The following CNTN6 variants were observed in gnomAD, a reference collection of about 807,000 sequenced individuals.
The protein encoded by CNTN6 is contactin-6.
In CNTN6, 137 loss-of-function variants were observed where a neutral mutation model predicts 122.8. That is an observed-to-expected ratio of 1.12 (90% CI 0.97 to 1.29). The LOEUF is 1.29. Among genes scored for constraint, CNTN6 ranks in the 50% most tolerant of loss-of-function variants. The probability of loss-of-function intolerance (pLI) is 0.00; values close to 1 mark genes in which losing one functional copy is unlikely to be tolerated. For missense variants in CNTN6, 1,634 were observed against 1,223.4 expected (o/e 1.34, Z -5.01); for synonymous variants, 570 against 426.0 (o/e 1.34, Z -4.16).
chr3:1,150,946 G>C (rs991498249), intron 2 of CNTN6, among the ~76,000 whole-genome samples: 1 of 152,252 alleles, frequency 6.6e-6, no homozygotes, highest in East Asian at 1.9e-4. Context: ...TCAGGACTGA[G>C]GAAGGGATCA....
intron 1 of CNTN6, among the ~76,000 whole-genome samples, chr3:1,102,974 GC>G (rs1471311895): frequency 5.4e-5 from 8 of 147,568 alleles, no homozygotes; most frequent in Admixed American, 4.6e-4. Context: ...GGGCGTGGTG[GC>G]GGCGCCTGTG....
Position 1,147,908 on chromosome 3 carries a change from A to G in CNTN6, c.-82-19A>G. On this transcript the variant is annotated intron_variant, in intron 1 of 22. Transcript: ENST00000446702. ...GTGTTTGTACGTTTTTCATTTCATG[A>G]CAATTTTGTCTTTTTCAGACTCTTG... 2 of 737,134 alleles carry G rather than the reference A, an allele frequency of 2.7e-6. No individual in the cohort carries two copies. The highest frequency in any genetic ancestry group is 5.0e-5 in the East Asian group (2 of 39,768). 45.7% of individuals were successfully genotyped at this position (737,134 alleles called of 1,614,324 possible).
At chr3:1,212,212 A>G (rs1197356288) in intron 2 of CNTN6, among the ~76,000 whole-genome samples, 1 of 149,450 alleles carries the variant, frequency 6.7e-6, no homozygotes, top group Non-Finnish European at 1.5e-5. Context: ...TTCAGTGTCT[A>G]CCTATTCCAA....
intron 7 of CNTN6, among the ~76,000 whole-genome samples, chr3:1,301,335 C>G (rs906265807): frequency 2.6e-5 from 4 of 151,866 alleles, no homozygotes; most frequent in Non-Finnish European, 5.9e-5. Flanking sequence ...GTGCCCGGCT[C>G]CTAAACTTTT....
At chr3:1,392,469 G>A (rs1361077059) in intron 20 of CNTN6, among the ~76,000 whole-genome samples, 10 of 151,902 alleles carry the variant, frequency 6.6e-5, no homozygotes, top group Non-Finnish European at 1.5e-4. Flanking sequence ...GAAAACCTAG[G>A]CATTACCATT....
intron 4 of CNTN6, among the ~76,000 whole-genome samples, chr3:1,264,725 TCTA>T (rs896731073): frequency 3.1e-4 from 47 of 152,278 alleles, no homozygotes; most frequent in African/African-American, 9.9e-4. Context: ...ACATTTAAAA[TCTA>T]CTCTTCTAGA....
intron 2 of CNTN6, among the ~76,000 whole-genome samples, chr3:1,154,739 G>A (rs150261683): frequency 0.023 from 3,536 of 152,112 alleles, 146 homozygotes; most frequent in African/African-American, 0.081. Context: ...CACCGCGCCC[G>A]GCCCAGGATT....
chr3:1,170,193 T>G (rs2093334098), intron 2 of CNTN6, among the ~76,000 whole-genome samples: 1 of 130,838 alleles, frequency 7.6e-6, no homozygotes, highest in Non-Finnish European at 1.6e-5. Context: ...GCTGAGATCA[T>G]GCCACTGCAC....
At chr3:1,119,322 C>CGTGTGTGTGTATGTGTGTGT (rs1553600488) in intron 1 of CNTN6, among the ~76,000 whole-genome samples, 2 of 126,490 alleles carry the variant, frequency 1.6e-5, no homozygotes, top group East Asian at 4.7e-4. Flanking sequence ...ACAGAAAAAT[C>CGTGTGTGTGTATGTGTGTGT]GTGTGTGTGT....
chr3:1,123,473 T>C (rs998362784), intron 1 of CNTN6, among the ~76,000 whole-genome samples: 4 of 151,966 alleles, frequency 2.6e-5, no homozygotes, highest in Middle Eastern at 3.2e-3. Flanking sequence ...GGAACATAAC[T>C]AATTTTTGTC....
Position 1,316,860 on chromosome 3 carries a change from G to C in CNTN6, c.762-4790G>C, listed in dbSNP as rs368637650. Among the ~76,000 whole-genome samples the C allele has an allele frequency of 3.2e-4, 49 of 151,922 alleles. 1 individual carries two copies. Among genetic ancestry groups the C allele is most frequent in the African/African-American group, 1.1e-3 (46 of 41,484 alleles). ...TCCCACCCACTGTCCATTTAGGATG[G>C]CTTCAGAAAAGAGAAATGGTGTCAA... is the stretch of plus-strand genomic sequence containing the variant. On this transcript the variant is annotated intron_variant, in intron 7 of 22. Transcript: ENST00000446702.
intron 12 of CNTN6, among the ~76,000 whole-genome samples, chr3:1,358,140 A>G (rs1706882280): frequency 6.6e-6 from 1 of 151,836 alleles, no homozygotes; most frequent in South Asian, 2.1e-4. Context: ...TACAGTATAA[A>G]CCACTAGCTA....
Position 1,264,878 on chromosome 3 carries a change from C to T in CNTN6, c.359-13535C>T, listed in dbSNP as rs371146396. Among the ~76,000 whole-genome samples the T allele has an allele frequency of 9.2e-5, 14 of 152,096 alleles. No individual in the cohort carries two copies. The East Asian group carries it at 2.3e-3, about 25-fold the overall frequency. ...CCCCATTTCCTATGCACCCCTCTCCCCCAGCCTCTGGTAACCACCATTCTA... is the reference window on the plus strand; with the variant it reads ...CCCCATTTCCTATGCACCCCTCTCCTCCAGCCTCTGGTAACCACCATTCTA... On this transcript the variant is annotated intron_variant, in intron 4 of 22. Coordinates refer to ENST00000446702, the MANE Select transcript of CNTN6 (RefSeq NM_001289080.2).
At chr3:1,147,149 G>A (rs923687885) in intron 1 of CNTN6, among the ~76,000 whole-genome samples, 2 of 151,932 alleles carry the variant, frequency 1.3e-5, no homozygotes, top group African/African-American at 4.8e-5. Flanking sequence ...AAGGTTGCAA[G>A]AAAATATGTT....
intron 2 of CNTN6, among the ~76,000 whole-genome samples, chr3:1,199,680 G>A (rs772571801): frequency 6.6e-6 from 1 of 152,128 alleles, no homozygotes; most frequent in Non-Finnish European, 1.5e-5. Flanking sequence ...AGAGGAATTG[G>A]AACACAGACG....
chr3:1,325,851 A>G lies in CNTN6; in HGVS notation c.983A>G (p.His328Arg), dbSNP rs1353229623. ...PEWEQKIQNT[H>R]LSIYDNLLWE... Reference sequence around the variant, plus strand: ...TGGGAACAGAAAATCCAAAATACACACCTCTCTATCTATGACAACTTGCTC... The same window carrying G: ...TGGGAACAGAAAATCCAAAATACACGCCTCTCTATCTATGACAACTTGCTC... The change falls in exon 9 of 23, where the codon CAC becomes CGC. Residue 328 changes from histidine to arginine, a missense_variant. His to Arg is a conservative substitution (Grantham distance 29). Transcript: ENST00000446702. 6.2e-7 allele frequency: 1 copy of G among 1,611,718 alleles called. No homozygotes were observed. Among genetic ancestry groups the G allele is most frequent in the Non-Finnish European group, 8.5e-7 (1 of 1,178,622 alleles).
chr3:1,144,827 C>A (rs1202825735), intron 1 of CNTN6, among the ~76,000 whole-genome samples: 1 of 151,994 alleles, frequency 6.6e-6, no homozygotes. Flanking sequence ...TCTTACAGCT[C>A]CAAATGAGGC....
rs924065117 is a variant in CNTN6, at chr3:1,403,533, A to T, written c.*115A>T. ...ATACAGACTTGTTTGCAAAGAAAAA[A>T]AAAAGTATATTATTAAAATCCTGTA... is the stretch of plus-strand genomic sequence containing the variant. On this transcript the variant is annotated 3_prime_UTR_variant, in exon 23 of 23. Coordinates refer to ENST00000446702, the MANE Select transcript of CNTN6 (RefSeq NM_001289080.2). 3 of 533,064 alleles carry T rather than the reference A, an allele frequency of 5.6e-6. No homozygotes were observed. The highest frequency in any genetic ancestry group is 9.8e-6 in the Non-Finnish European group (3 of 307,178). The allele number at this position is 533,064 out of a possible 1,614,324, so 33.0% of individuals were successfully genotyped here.
At chr3:1,340,912 C>T (rs1356331707) in intron 11 of CNTN6, among the ~76,000 whole-genome samples, 5 of 152,048 alleles carry the variant, frequency 3.3e-5, no homozygotes, top group Non-Finnish European at 7.4e-5. Flanking sequence ...GTGAGGGAAG[C>T]CGAGAACCTT....
Sources: allele counts gnomAD v4.1 joint callset (sites outside exome capture counted in the v4.1 genomes callset), GRCh38; gene constraint gnomAD v4.1.1; transcripts MANE v1.5; gene names NCBI Gene and HGNC (gene_info 2026-07-23, HGNC 2026-07-21).